IGF2R: variants seen among roughly 807,000 people sequenced by gnomAD.
The protein encoded by IGF2R is cation-independent mannose-6-phosphate receptor.
Under a neutral mutation model 270.6 loss-of-function variants are expected in IGF2R, and 91 were observed. The observed-to-expected ratio is 0.34, with a 90% confidence interval of 0.28 to 0.40. The LOEUF is 0.40. IGF2R is among the 10% of genes least tolerant of loss of function. The pLI is 1.00. For missense variants in IGF2R, 2,805 were observed against 3,188.3 expected, an observed-to-expected ratio of 0.88 and a Z score of 2.90; for synonymous variants, 1,316 against 1,258.9, an observed-to-expected ratio of 1.05 and a Z score of -0.96.
At chr6:160,103,200 T>C (rs1402210919) in intron 46 of IGF2R, among the ~76,000 whole-genome samples, 1 of 151,946 alleles carries the variant, frequency 6.6e-6, no homozygotes, top group Non-Finnish European at 1.5e-5. Context: ...CCACTGTCAT[T>C]TGCCAGCTGA....
chr6:160,100,824 T>C (rs2114742233), intron 45 of IGF2R, among the ~76,000 whole-genome samples: 3 of 113,114 alleles, frequency 2.7e-5, no homozygotes, highest in South Asian at 3.3e-4. Flanking sequence ...AGAGACTTGC[T>C]CTTTTGCCCA....
At chr6:160,052,053 T>G (rs926201397) in intron 19 of IGF2R, among the ~76,000 whole-genome samples, 7 of 151,814 alleles carry the variant, frequency 4.6e-5, no homozygotes, top group African/African-American at 1.7e-4. Flanking sequence ...CTACAAAAAA[T>G]TAGCCAAGTG....
rs775034193 is a variant in IGF2R, at chr6:160,040,615, C to G, written c.1371C>G (p.Phe457Leu). The G allele has an allele frequency of 6.2e-7, 1 of 1,614,124 alleles. No individual in the cohort carries two copies. Among genetic ancestry groups the G allele is most frequent in the Non-Finnish European group, 8.5e-7 (1 of 1,179,958 alleles). The change falls in exon 11 of 48, where the codon TTC (phenylalanine) becomes TTG (leucine). Residue 457 changes from phenylalanine to leucine, a missense_variant. By Grantham distance (22) the Phe-to-Leu change is conservative. Coordinates refer to ENST00000356956, the MANE Select transcript of IGF2R (RefSeq NM_000876.4). Reference protein sequence around the residue: ...VFTGEVDCTYFFTWDTEYACV... With the variant: ...VFTGEVDCTYLFTWDTEYACV... Reference sequence around the variant, plus strand: ...CAGGGGAGGTTGACTGCACCTACTTCTTCACATGGGACACGGAATACGCCT... The same window carrying G: ...CAGGGGAGGTTGACTGCACCTACTTGTTCACATGGGACACGGAATACGCCT...
At chr6:159,984,115 T>C (rs898575169) in intron 1 of IGF2R, among the ~76,000 whole-genome samples, 8 of 152,234 alleles carry the variant, frequency 5.3e-5, no homozygotes, top group Admixed American at 4.6e-4. Context: ...GAGGCTGTCC[T>C]CAGATGGGTT....
intron 1 of IGF2R, among the ~76,000 whole-genome samples, chr6:159,986,377 G>T (rs1001946112): frequency 6.6e-6 from 1 of 150,742 alleles, no homozygotes; most frequent in African/African-American, 2.5e-5. Context: ...GACTATAAGC[G>T]TGCGCGACCA....
At chr6:160,011,144 G>A (rs189776633) in intron 4 of IGF2R, among the ~76,000 whole-genome samples, 46 of 152,220 alleles carry the variant, frequency 3.0e-4, no homozygotes, top group African/African-American at 9.9e-4. Flanking sequence ...TGTTTCTGAC[G>A]CTGCCTGCTT....
rs558972672 is a variant in IGF2R at position 160,087,293 on chromosome 6, A to G, written c.6206-740A>G. On this transcript the variant is annotated intron_variant, in intron 41 of 47. Coordinates refer to ENST00000356956, the MANE Select transcript of IGF2R (RefSeq NM_000876.4). The stretch of plus-strand genomic sequence containing the variant: ...GAGGGTACCTGTCAGGAAAGCACCT[A>G]ATATGATAGAGAGAGTTTACACAAT... 1.1e-4 allele frequency among the ~76,000 whole-genome samples: 16 copies of G among 152,300 alleles called. No individual in the cohort carries two copies. In the South Asian group the frequency reaches 2.3e-3, roughly 22 times the overall value.
Position 159,974,697 on chromosome 6 carries a change from G to C in IGF2R, c.149+5302G>C, listed in dbSNP as rs1303155181. On this transcript the variant is annotated intron_variant, in intron 1 of 47. Coordinates refer to ENST00000356956, the MANE Select transcript of IGF2R (RefSeq NM_000876.4). ...CTGGCCTCTACTCACTAGATGCTAAGACTATACTCTACCACTCCCCCTCCC... is the reference window on the plus strand; with the variant it reads ...CTGGCCTCTACTCACTAGATGCTAACACTATACTCTACCACTCCCCCTCCC... Among the ~76,000 whole-genome samples the C allele has an allele frequency of 2.6e-5, 4 of 152,152 alleles. No homozygotes were observed. In the South Asian group the frequency reaches 8.3e-4, roughly 32 times the overall value.
intron 19 of IGF2R, among the ~76,000 whole-genome samples, chr6:160,051,255 G>C (rs1414476699): frequency 6.6e-6 from 1 of 152,224 alleles, no homozygotes; most frequent in Non-Finnish European, 1.5e-5. Context: ...AGAAAGAATG[G>C]ACAGAAATTA....
Position 160,060,485 on chromosome 6 carries a change from C to T in IGF2R, c.3092-62C>T, listed in dbSNP as rs1778411816. On this transcript the variant is annotated intron_variant, in intron 22 of 47. Transcript: ENST00000356956. Reference sequence around the variant, plus strand: ...AGCCTTGTCCTGTTGCTGCACTGTGCTTGTGGGCTGCGCCATGAATACTGT... The same window carrying T: ...AGCCTTGTCCTGTTGCTGCACTGTGTTTGTGGGCTGCGCCATGAATACTGT... 3.2e-6 allele frequency: 5 copies of T among 1,546,540 alleles called. No individual in the cohort carries two copies. In the South Asian group the frequency reaches 4.6e-5, roughly 14 times the overall value.
intron 11 of IGF2R, 40 bp from the exon 12 acceptor site, chr6:160,043,108 G>C (rs200708905): frequency 1.2e-6 from 2 of 1,607,214 alleles, no homozygotes; most frequent in Non-Finnish European, 1.7e-6. Context: ...AGAGAAATCA[G>C]CATTGCTTTT....
intron 4 of IGF2R, among the ~76,000 whole-genome samples, chr6:160,018,751 A>T (rs1232309305): frequency 6.6e-6 from 1 of 152,156 alleles, no homozygotes; most frequent in Admixed American, 6.5e-5. Context: ...TAAGATGGAA[A>T]TTAAAAAAAA....
rs548945107 is a variant in IGF2R, at chr6:159,984,558, A to G, written c.150-6626A>G. 1.7e-4 allele frequency among the ~76,000 whole-genome samples: 26 copies of G among 152,270 alleles called. No individual in the cohort carries two copies. In the East Asian group the frequency reaches 5.0e-3, roughly 29 times the overall value. On this transcript the variant is annotated intron_variant, in intron 1 of 47. Transcript: ENST00000356956. ...TTTTCTACGTTTAGATATGTGTCACATGTTACAGTTGCCTGGGGTATTCAG... is the reference window on the plus strand; with the variant it reads ...TTTTCTACGTTTAGATATGTGTCACGTGTTACAGTTGCCTGGGGTATTCAG...
intron 20 of IGF2R, 47 bp downstream of exon 20, chr6:160,056,572 A>G (rs775901892): frequency 8.3e-7 from 1 of 1,210,050 alleles, no homozygotes; most frequent in Non-Finnish European, 1.2e-6. Context: ...CCTGCTGGAC[A>G]TCCTCAACTC....
rs544859479 is a variant in IGF2R, at chr6:160,108,549, G to A, written c.*3465G>A. On this transcript the variant is annotated 3_prime_UTR_variant, in exon 48 of 48. Coordinates refer to ENST00000356956, the MANE Select transcript of IGF2R (RefSeq NM_000876.4). ...ATGGGAGCTGTGGCTGTGCTGAGCTGAGAAGCCTCAGACTGCCTGCGAGGC... is the reference window on the plus strand; with the variant it reads ...ATGGGAGCTGTGGCTGTGCTGAGCTAAGAAGCCTCAGACTGCCTGCGAGGC... 1.3e-5 allele frequency: 2 copies of A among 152,436 alleles called. No homozygotes were observed. The highest frequency in any genetic ancestry group is 1.5e-5 in the Non-Finnish European group (1 of 68,098). The allele number at this position is 152,436 out of a possible 1,614,324, so 9.4% of individuals were successfully genotyped here. A position where few individuals can be genotyped will look rare whatever the true frequency, so the allele number is the denominator to read the frequency against.
In IGF2R at chr6:160,044,653, G is replaced by A. The variant is rs1778028720; in HGVS notation, c.1761G>A (p.Lys587=). 1.3e-6 allele frequency: 2 copies of A among 1,594,938 alleles called. No homozygotes were observed. The highest frequency in any genetic ancestry group is 1.2e-5 in the South Asian group (1 of 86,456). Residue 587 remains lysine (K), a synonymous_variant, in exon 13 of 48, where the codon AAG becomes AAA. Transcript: ENST00000356956. ...KIKTNITLVC[K]PGDLESAPVL... is the part of the protein sequence containing the mutation. ...AAACTAATATCACACTTGTATGCAA[G>A]CCAGGTAAAAATTTTAAAAAAGATG... is the stretch of plus-strand genomic sequence containing the variant.
Position 159,984,742 on chromosome 6 carries a change from C to A in IGF2R, c.150-6442C>A, listed in dbSNP as rs751069034. Among the ~76,000 whole-genome samples the A allele has an allele frequency of 6.6e-5, 10 of 152,158 alleles. No individual in the cohort carries two copies. In the East Asian group the frequency reaches 1.2e-3, roughly 18 times the overall value. On this transcript the variant is annotated intron_variant, in intron 1 of 47. Transcript: ENST00000356956. ...TCATGACACATTTCTGATGACGTAT[C>A]GCCATTAAGTGAGTGACTATAAACC...
At chr6:160,080,428 C>T (rs1778954767) in intron 39 of IGF2R, among the ~76,000 whole-genome samples, 153 bp downstream of exon 39, 1 of 152,172 alleles carries the variant, frequency 6.6e-6, no homozygotes, top group Non-Finnish European at 1.5e-5. Flanking sequence ...CACAGAGAAA[C>T]GTTTGAATTG....
At position 160,069,892 on chromosome 6, in the gene IGF2R, C is replaced by T. The variant is rs768703570; in HGVS notation, c.4277C>T (p.Ala1426Val). 1.8e-5 allele frequency: 29 copies of T among 1,614,034 alleles called. No homozygotes were observed. The Admixed American group carries it at 2.7e-4, about 15-fold the overall frequency. The part of the protein sequence containing the change: ...GTEPCPPEAA[A>V]CLLGGSKPVN... ...GAGCCGTGCCCTCCAGAAGCAGCCG[C>T]GTGTCTGCTGGGTGGCTCCAAGCCC... The change falls in exon 31 of 48, where the codon GCG becomes GTG. Residue 1426 changes from alanine (A) to valine (V), a missense_variant. By Grantham distance (64) the Ala-to-Val change is moderately conservative. Around this residue, in one of 2 missense-constraint regions of IGF2R, gnomAD observed 1,851 missense variants for 2,207.2 expected, o/e 0.84. Transcript: ENST00000356956.
Sources: gnomAD v4.1 joint callset for allele counts (sites outside exome capture counted in the v4.1 genomes callset) on GRCh38, gnomAD v4.1.1 for gene constraint, gnomAD v4.1.1 regional missense constraint, MANE v1.5 for transcripts, NCBI Gene and HGNC (gene_info 2026-07-23, HGNC 2026-07-21) for gene names.